The following GRID2 variants were observed in gnomAD, a reference collection of about 807,000 sequenced individuals.
GRID2 encodes glutamate ionotropic receptor delta type subunit 2, also known as glutamate receptor ionotropic, delta-2.
GRID2 carries 33 observed loss-of-function variants against 114.8 expected under a neutral mutation model. The observed-to-expected ratio is 0.29, with a 90% CI of 0.22 to 0.38. The LOEUF (loss-of-function observed/expected upper bound fraction) is 0.38, where lower values mean the gene tolerates loss of function less well. GRID2 is among the 10% of genes least tolerant of loss of function. The probability of loss-of-function intolerance (pLI) is 1.00; values close to 1 mark genes in which losing one functional copy is unlikely to be tolerated. For missense variants in GRID2, 1,184 were observed against 1,257.7 expected (o/e 0.94, Z 0.89); for synonymous variants, 505 against 449.9 (o/e 1.12, Z -1.55).
rs372810030 is a variant in GRID2 at position 92,938,531 on chromosome 4, A to T, written c.245-146464A>T. 7.8e-4 allele frequency among the ~76,000 whole-genome samples: 114 copies of T among 146,512 alleles called. 3 individuals carry two copies. The highest frequency in any genetic ancestry group is 2.7e-3 in the African/African-American group (112 of 41,238). ...GTATAGTAACAACCCTAGCTATGTA[A>T]TATTAAGATTAGTGGGAGGATTAAT... On this transcript the variant is annotated intron_variant, in intron 2 of 15. Coordinates refer to ENST00000282020, the MANE Select transcript of GRID2 (RefSeq NM_001510.4).
chr4:93,251,776 G>C (rs1034915075), intron 8 of GRID2, among the ~76,000 whole-genome samples: 3 of 152,074 alleles, frequency 2.0e-5, no homozygotes, highest in Non-Finnish European at 4.4e-5. Flanking sequence ...TTGGTTTTCT[G>C]TTCTTGGATT....
rs1396988945 is a variant in GRID2 at position 93,608,656 on chromosome 4, G to A, written c.2194-17613G>A. Among the ~76,000 whole-genome samples the A allele has an allele frequency of 4.3e-5, 6 of 137,976 alleles. 1 individual carries two copies. The highest frequency in any genetic ancestry group is 8.1e-5 in the Non-Finnish European group (5 of 61,936). 90.5% of individuals were successfully genotyped at this position (137,976 alleles called of 152,430 possible). ...GGACATGAACTCATCATTTTTTATG[G>A]CTGCATAGTATTCCATGGTGTATAT... is the stretch of plus-strand genomic sequence containing the variant. On this transcript the variant is annotated intron_variant, in intron 13 of 15. Transcript: ENST00000282020.
chr4:93,597,398 G>A (rs1739214109), intron 13 of GRID2, among the ~76,000 whole-genome samples: 1 of 152,120 alleles, frequency 6.6e-6, no homozygotes, highest in African/African-American at 2.4e-5. Context: ...ATGTTTTACA[G>A]TCTTCTAGTT....
chr4:92,962,191 T>G (rs953601347), intron 2 of GRID2, among the ~76,000 whole-genome samples: 2 of 152,028 alleles, frequency 1.3e-5, no homozygotes, highest in Non-Finnish European at 2.9e-5. Context: ...CTGTGTCTCT[T>G]CAAACTGTGT....
At chr4:93,438,489 G>T (rs1000571586) in intron 10 of GRID2, among the ~76,000 whole-genome samples, 5 of 151,980 alleles carry the variant, frequency 3.3e-5, no homozygotes, top group African/African-American at 1.2e-4. Flanking sequence ...TTACAAAAGA[G>T]AAAAATGTGA....
chr4:92,679,049 A>T (rs1381256003), intron 2 of GRID2, among the ~76,000 whole-genome samples: 1 of 151,664 alleles, frequency 6.6e-6, no homozygotes, highest in Non-Finnish European at 1.5e-5. Context: ...AAATATTAGC[A>T]GAAATAAATG....
At chr4:93,146,977 G>C (rs553350501) in intron 4 of GRID2, among the ~76,000 whole-genome samples, 1 of 152,192 alleles carries the variant, frequency 6.6e-6, no homozygotes, top group East Asian at 1.9e-4. Context: ...AGGGAAACTT[G>C]TTTTTGAATG....
chr4:92,662,142 G>A (rs924839089), intron 2 of GRID2, among the ~76,000 whole-genome samples: 1 of 150,940 alleles, frequency 6.6e-6, no homozygotes, highest in African/African-American at 2.4e-5. Context: ...GTATGAAAAA[G>A]TAAATCATTA....
intron 1 of GRID2, among the ~76,000 whole-genome samples, chr4:92,413,775 T>C (rs1022542163): frequency 6.6e-6 from 1 of 152,120 alleles, no homozygotes; most frequent in South Asian, 2.1e-4. Context: ...TTCTTGATGT[T>C]AGTGATAGTA....
chr4:93,545,823 G>A (rs1400396723), intron 13 of GRID2, among the ~76,000 whole-genome samples: 2 of 151,996 alleles, frequency 1.3e-5, no homozygotes, highest in Admixed American at 6.6e-5. Flanking sequence ...AGAGAGAGGA[G>A]CTTACAGTGA....
chr4:93,464,577 A>G (rs1724091988), intron 11 of GRID2, among the ~76,000 whole-genome samples: 1 of 152,192 alleles, frequency 6.6e-6, no homozygotes, highest in Admixed American at 6.5e-5. Flanking sequence ...ATTGTTTTTC[A>G]CATTTATAAG....
At chr4:92,782,125 G>A (rs943717663) in intron 2 of GRID2, among the ~76,000 whole-genome samples, 13 of 151,902 alleles carry the variant, frequency 8.6e-5, no homozygotes, top group South Asian at 2.1e-4. Flanking sequence ...ATGTATATAC[G>A]AAAATGCATC....
At chr4:93,491,756 A>G (rs1023574918) in intron 12 of GRID2, among the ~76,000 whole-genome samples, 10 of 152,042 alleles carry the variant, frequency 6.6e-5, no homozygotes, top group African/African-American at 2.4e-4. Context: ...TCTTTTAAAA[A>G]GAATGTAAAT....
chr4:93,090,668 T>A (rs945808535), intron 3 of GRID2, among the ~76,000 whole-genome samples: 3 of 152,186 alleles, frequency 2.0e-5, no homozygotes, highest in African/African-American at 7.2e-5. Context: ...TATTATCTTC[T>A]GCTGATCTTT....
chr4:93,185,954 T>A lies in GRID2; in HGVS notation c.736-21450T>A, dbSNP rs1001994438. Among the ~76,000 whole-genome samples, 23 of 152,288 alleles carry A rather than the reference T, an allele frequency of 1.5e-4. No individual in the cohort carries two copies. The East Asian group carries it at 3.5e-3, about 23-fold the overall frequency. On this transcript the variant is annotated intron_variant, in intron 4 of 15. Coordinates refer to ENST00000282020, the MANE Select transcript of GRID2 (RefSeq NM_001510.4). ...ATGTTTCCCGCCCTGTGTCCAAGTG[T>A]TCTCATTGTTGAATTCCCACCTATG...
At chr4:93,745,468 CA>C (rs1195488633) in intron 14 of GRID2, among the ~76,000 whole-genome samples, 9 of 151,988 alleles carry the variant, frequency 5.9e-5, no homozygotes, top group Non-Finnish European at 1.3e-4. Flanking sequence ...AAATATATGA[CA>C]TTTTGTTTAT....
chr4:93,447,370 G>T (rs1722185458), intron 10 of GRID2, among the ~76,000 whole-genome samples: 1 of 151,822 alleles, frequency 6.6e-6, no homozygotes, highest in South Asian at 2.1e-4. Context: ...AATCAATAGG[G>T]TTAATTGAAG....
chr4:93,540,480 G>A (rs945778388), intron 13 of GRID2, among the ~76,000 whole-genome samples: 1 of 151,952 alleles, frequency 6.6e-6, no homozygotes, highest in Non-Finnish European at 1.5e-5. Context: ...AAACAACTAG[G>A]CATAAAAAGA....
intron 2 of GRID2, among the ~76,000 whole-genome samples, chr4:92,868,816 G>T (rs988010534): frequency 6.6e-6 from 1 of 151,784 alleles, no homozygotes; most frequent in African/African-American, 2.4e-5. Flanking sequence ...AAATAAGTTG[G>T]CAGGTACATC....
Sources: allele counts gnomAD v4.1 joint callset (sites outside exome capture counted in the v4.1 genomes callset), GRCh38; gene constraint gnomAD v4.1.1; transcripts MANE v1.5; gene names NCBI Gene and HGNC (gene_info 2026-07-23, HGNC 2026-07-21).